The following DIAPH2 variants were observed in gnomAD, a reference collection of about 807,000 sequenced individuals.
The protein encoded by DIAPH2 is diaphanous related formin 2.
A neutral mutation model predicts 92.7 loss-of-function variants in DIAPH2; 35 were observed. The observed-to-expected ratio is 0.38, with a 90% CI of 0.29 to 0.50. DIAPH2 has a LOEUF of 0.50. Ranked by LOEUF, DIAPH2 falls within the 20% of genes least tolerant of loss-of-function variation. The pLI is 0.94. For missense variants in DIAPH2, 701 were observed against 819.5 expected (o/e 0.86, Z 1.77); for synonymous variants, 301 against 280.4 (o/e 1.07, Z -0.73).
At position 97,105,402 on chromosome X, in the gene DIAPH2, A is replaced by G. The variant is rs770223517; in HGVS notation, c.2349+5607A>G. Among the ~76,000 whole-genome samples the G allele has an allele frequency of 8.9e-5, 10 of 111,979 alleles. No homozygotes were observed. In the East Asian group the frequency reaches 2.8e-3, roughly 32 times the overall value. On this transcript the variant is annotated intron_variant, in intron 20 of 26. Transcript: ENST00000324765. ...GGACATGCTCGCTCCCACATATTGT[A>G]TGATCAATAATCTTGTTTAGGGGGT...
chrX:97,075,491 G>T lies in DIAPH2; in HGVS notation c.2247+230G>T, dbSNP rs1602323541. 2.7e-5 allele frequency among the ~76,000 whole-genome samples: 3 copies of T among 111,887 alleles called. No individual in the cohort carries two copies. In the Admixed American group the frequency reaches 2.8e-4, roughly 11 times the overall value. On this transcript the variant is annotated intron_variant, in intron 19 of 26. Coordinates refer to ENST00000324765, the MANE Select transcript of DIAPH2 (RefSeq NM_006729.5). ...ACTTATAAGCTATATATCCGTTTCAGTATAAGCATATGCATATATAGACAT... is the reference window on the plus strand; with the variant it reads ...ACTTATAAGCTATATATCCGTTTCATTATAAGCATATGCATATATAGACAT...
chrX:96,998,418 T>C (rs898241977), intron 17 of DIAPH2, among the ~76,000 whole-genome samples: 1 of 111,486 alleles, frequency 9.0e-6, no homozygotes, highest in African/African-American at 3.3e-5. Context: ...TATTTTTCTT[T>C]CTATAAGAAA....
chrX:97,114,064 A>T (rs1425555611), intron 20 of DIAPH2, among the ~76,000 whole-genome samples: 1 of 112,278 alleles, frequency 8.9e-6, no homozygotes, highest in Non-Finnish European at 1.9e-5. Context: ...ACTGTATTGA[A>T]GAAAACCAAT....
chrX:97,442,665 A>G (rs953827284), intron 26 of DIAPH2: 2 of 112,102 alleles, frequency 1.8e-5, no homozygotes, highest in Non-Finnish European at 3.8e-5. Context: ...ACATCCCAAG[A>G]CAACCAGATT....
chrX:96,871,126 C>T (rs1399532099), intron 4 of DIAPH2, among the ~76,000 whole-genome samples: 1 of 111,737 alleles, frequency 8.9e-6, no homozygotes, highest in Non-Finnish European at 1.9e-5. Context: ...TGATCAAATC[C>T]TGCCCATTTT....
intron 19 of DIAPH2, among the ~76,000 whole-genome samples, chrX:97,089,317 A>C (rs1236487635): frequency 8.9e-6 from 1 of 111,797 alleles, no homozygotes; most frequent in African/African-American, 3.3e-5. Context: ...TCCTGAAAGC[A>C]TGGGCTTATC....
At chrX:96,826,066 C>G (rs1169669014) in intron 4 of DIAPH2, among the ~76,000 whole-genome samples, 1 of 111,660 alleles carries the variant, frequency 9.0e-6, no homozygotes, top group East Asian at 2.8e-4. Flanking sequence ...CTATTTGGCT[C>G]ATACTTTCAC....
intron 22 of DIAPH2, among the ~76,000 whole-genome samples, chrX:97,199,368 A>T (rs2067729701): frequency 9.0e-6 from 1 of 111,070 alleles, no homozygotes; most frequent in Non-Finnish European, 1.9e-5. Context: ...GTATACATGC[A>T]TATGTACATG....
At chrX:97,001,603 G>T (rs953696218) in intron 17 of DIAPH2, among the ~76,000 whole-genome samples, 3 of 111,224 alleles carry the variant, frequency 2.7e-5, no homozygotes, top group Non-Finnish European at 3.8e-5. Flanking sequence ...CCTAGATCAC[G>T]CCACTGCACT....
At chrX:97,514,981 C>T (rs1163143161) in intron 26 of DIAPH2, among the ~76,000 whole-genome samples, 1 of 110,462 alleles carries the variant, frequency 9.1e-6, no homozygotes, top group Non-Finnish European at 1.9e-5. Context: ...GTGCCCTGCC[C>T]CCAGAGGTGG....
intron 17 of DIAPH2, among the ~76,000 whole-genome samples, chrX:96,991,593 A>C (rs890892162): frequency 1.1e-4 from 10 of 89,144 alleles, no homozygotes; most frequent in African/African-American, 4.3e-4. Flanking sequence ...TAATTGCTTC[A>C]ATATTATTTT....
chrX:96,950,662 AT>A (rs1481110079), intron 15 of DIAPH2, among the ~76,000 whole-genome samples: 1 of 111,704 alleles, frequency 9.0e-6, no homozygotes, highest in Non-Finnish European at 1.9e-5. Flanking sequence ...TTCATCCTTT[AT>A]GTCAGTGGCA....
At chrX:97,423,462 C>T (rs1395191973) in intron 25 of DIAPH2, among the ~76,000 whole-genome samples, 1 of 111,766 alleles carries the variant, frequency 8.9e-6, no homozygotes, top group Non-Finnish European at 1.9e-5. Flanking sequence ...ATCTCCAAAC[C>T]CTTTTGTGAA....
chrX:97,081,259 A>C (rs188938388), intron 19 of DIAPH2, among the ~76,000 whole-genome samples: 2 of 109,926 alleles, frequency 1.8e-5, no homozygotes, highest in Admixed American at 9.7e-5. Context: ...GTGATTAAAA[A>C]TTTTTTTTTG....
chrX:97,472,445 A>T (rs1451014348), intron 26 of DIAPH2, among the ~76,000 whole-genome samples: 1 of 112,160 alleles, frequency 8.9e-6, no homozygotes, highest in African/African-American at 3.2e-5. Context: ...GGTTTCCGAA[A>T]ATCACTTATA....
intron 4 of DIAPH2, among the ~76,000 whole-genome samples, chrX:96,793,048 G>T (rs2064511900): frequency 1.8e-5 from 2 of 112,109 alleles, no homozygotes; most frequent in South Asian, 7.4e-4. Context: ...ATAATGGGAT[G>T]GCAGTAGAAT....
intron 20 of DIAPH2, among the ~76,000 whole-genome samples, chrX:97,107,822 CATT>C (rs928922379): frequency 3.6e-5 from 4 of 111,642 alleles, no homozygotes; most frequent in Admixed American, 1.9e-4. Flanking sequence ...GAATTCTTAA[CATT>C]ATATTTTGAA....
chrX:97,314,387 T>C (rs1435066640), intron 23 of DIAPH2, among the ~76,000 whole-genome samples: 3 of 111,289 alleles, frequency 2.7e-5, no homozygotes, highest in African/African-American at 9.8e-5. Flanking sequence ...CACTGCAGTC[T>C]GGAAGACAGA....
At chrX:97,343,117 T>G (rs2069126196) in intron 23 of DIAPH2, among the ~76,000 whole-genome samples, 1 of 111,668 alleles carries the variant, frequency 9.0e-6, no homozygotes. Context: ...AGAAAGTTAT[T>G]AGAGGGTTTT....
Sources: gnomAD v4.1 joint callset for allele counts (sites outside exome capture counted in the v4.1 genomes callset) on GRCh38, gnomAD v4.1.1 for gene constraint, MANE v1.5 for transcripts, NCBI Gene and HGNC (gene_info 2026-07-23, HGNC 2026-07-21) for gene names.